TBC1D22A: variants seen among roughly 807,000 people sequenced by gnomAD.
TBC1D22A encodes the protein TBC1 domain family member 22A, also known as putative GTPase activator.
A neutral mutation model predicts 60.2 loss-of-function variants in TBC1D22A; 38 were observed. That is an observed-to-expected ratio of 0.63 (90% CI 0.49 to 0.83). TBC1D22A has a LOEUF of 0.83. Among genes scored for constraint, TBC1D22A ranks in the 40% least tolerant of loss-of-function variants. The pLI is 0.00. For synonymous variants in TBC1D22A, 302 were observed against 281.7 expected, an observed-to-expected ratio of 1.07 and a Z score of -0.72; for missense variants, 628 against 701.0, an observed-to-expected ratio of 0.90 and a Z score of 1.18.
At chr22:46,842,766 G>A (rs1301343743) in intron 4 of TBC1D22A, among the ~76,000 whole-genome samples, 2 of 152,272 alleles carry the variant, frequency 1.3e-5, no homozygotes, top group Non-Finnish European at 1.5e-5. Flanking sequence ...CCAGCGGGCA[G>A]CTTCGGGAGA....
intron 5 of TBC1D22A, among the ~76,000 whole-genome samples, chr22:46,880,475 G>A (rs977040930): frequency 6.6e-6 from 1 of 152,168 alleles, no homozygotes; most frequent in Non-Finnish European, 1.5e-5. Flanking sequence ...CATTCTCAGA[G>A]CGTTGACTTA....
intron 10 of TBC1D22A, among the ~76,000 whole-genome samples, chr22:47,003,996 A>G (rs935112174): frequency 4.8e-5 from 7 of 144,954 alleles, no homozygotes; most frequent in Non-Finnish European, 9.0e-5. Flanking sequence ...ATGCCTGTAT[A>G]CACACACCCT....
At chr22:47,068,884 T>G (rs2063865475) in intron 11 of TBC1D22A, among the ~76,000 whole-genome samples, 1 of 152,166 alleles carries the variant, frequency 6.6e-6, no homozygotes, top group South Asian at 2.1e-4. Flanking sequence ...GGAAAAATAA[T>G]TAAAATGATA....
intron 7 of TBC1D22A, among the ~76,000 whole-genome samples, chr22:46,904,134 TCTATCTATCTAC>T (rs1215002035): frequency 6.0e-4 from 40 of 66,578 alleles, no homozygotes; most frequent in African/African-American, 1.4e-3. Context: ...TATCTATCTA[TCTATCTATCTAC>T]CTACCTACCT....
At chr22:47,006,685 C>T (rs954145856) in intron 10 of TBC1D22A, among the ~76,000 whole-genome samples, 1 of 152,318 alleles carries the variant, frequency 6.6e-6, no homozygotes, top group Admixed American at 6.5e-5. Flanking sequence ...GTGGCGGTTG[C>T]ACCCCAGACC....
At chr22:46,935,802 C>G (rs1369058388) in intron 8 of TBC1D22A, among the ~76,000 whole-genome samples, 1 of 152,060 alleles carries the variant, frequency 6.6e-6, no homozygotes, top group Non-Finnish European at 1.5e-5. Flanking sequence ...GAACCCATGT[C>G]TCTGTAGCCT....
intron 4 of TBC1D22A, among the ~76,000 whole-genome samples, chr22:46,828,903 C>T (rs1335564615): frequency 1.3e-5 from 2 of 152,184 alleles, no homozygotes; most frequent in Non-Finnish European, 2.9e-5. Flanking sequence ...CCTCATGGGT[C>T]TTATTTCATA....
rs374390996 is a variant in TBC1D22A at position 47,160,176 on chromosome 22, G to A, written c.1426-13322G>A. On this transcript the variant is annotated intron_variant, in intron 12 of 12. Transcript: ENST00000337137. ...TCACACAGCCTGGGTTGTGCTTCCCGTGCAGACACTCAGTGCTGGGAATCA... is the reference window on the plus strand; with the variant it reads ...TCACACAGCCTGGGTTGTGCTTCCCATGCAGACACTCAGTGCTGGGAATCA... 9.2e-5 allele frequency among the ~76,000 whole-genome samples: 14 copies of A among 152,342 alleles called. No individual in the cohort carries two copies. In the East Asian group the frequency reaches 1.5e-3, roughly 17 times the overall value.
intron 1 of TBC1D22A, among the ~76,000 whole-genome samples, chr22:46,778,237 G>A (rs1267332007): frequency 1.3e-5 from 2 of 150,858 alleles, no homozygotes; most frequent in East Asian, 3.9e-4. Flanking sequence ...CTACATTTAG[G>A]CTCTACTAGA....
At chr22:47,096,642 C>T (rs562960104) in intron 11 of TBC1D22A, among the ~76,000 whole-genome samples, 3 of 152,026 alleles carry the variant, frequency 2.0e-5, no homozygotes, top group African/African-American at 4.8e-5. Context: ...GCCAACATGG[C>T]AAAACCCCAT....
chr22:46,929,296 C>T (rs1177396255), intron 8 of TBC1D22A, among the ~76,000 whole-genome samples: 2 of 152,148 alleles, frequency 1.3e-5, no homozygotes, highest in Admixed American at 6.5e-5. Flanking sequence ...TTAGAAGAGG[C>T]GTCACTGAAT....
intron 8 of TBC1D22A, among the ~76,000 whole-genome samples, chr22:46,957,786 C>T (rs1055370426): frequency 5.3e-5 from 8 of 152,202 alleles, no homozygotes; most frequent in African/African-American, 1.4e-4. Flanking sequence ...TGTGAGGAAG[C>T]GGATCACACC....
intron 4 of TBC1D22A, among the ~76,000 whole-genome samples, chr22:46,864,477 G>T (rs893551033): frequency 6.6e-6 from 1 of 152,202 alleles, no homozygotes; most frequent in Non-Finnish European, 1.5e-5. Context: ...TCTGCCAAAG[G>T]CTGGAGAGGA....
At chr22:47,015,469 C>T (rs74434754) in intron 10 of TBC1D22A, among the ~76,000 whole-genome samples, 4,579 of 152,346 alleles carry the variant, frequency 0.03, 107 homozygotes, top group Admixed American at 0.045. Flanking sequence ...CTTCTAATTT[C>T]GAGGAAACCT....
At chr22:46,862,651 G>A (rs1162118844) in intron 4 of TBC1D22A, among the ~76,000 whole-genome samples, 3 of 152,192 alleles carry the variant, frequency 2.0e-5, no homozygotes, top group Admixed American at 6.5e-5. Context: ...CAAGCTGAGG[G>A]TCTGCAGGGG....
chr22:47,026,235 A>T (rs1355162904), intron 10 of TBC1D22A, among the ~76,000 whole-genome samples: 2 of 152,234 alleles, frequency 1.3e-5, no homozygotes, highest in African/African-American at 4.8e-5. Context: ...TTGAAGCTGG[A>T]TAAAGAGCAT....
At chr22:46,989,147 TAA>T (rs1394150401) in intron 9 of TBC1D22A, among the ~76,000 whole-genome samples, 1 of 152,218 alleles carries the variant, frequency 6.6e-6, no homozygotes, top group Non-Finnish European at 1.5e-5. Flanking sequence ...TTCATAGAAT[TAA>T]AGAGAATTAG....
chr22:46,836,700 A>G (rs1036286572), intron 4 of TBC1D22A, among the ~76,000 whole-genome samples: 1 of 152,166 alleles, frequency 6.6e-6, no homozygotes, highest in Non-Finnish European at 1.5e-5. Context: ...GAATAGATTA[A>G]AAAAACAAGA....
chr22:47,076,010 T>C (rs1346101830), intron 11 of TBC1D22A, among the ~76,000 whole-genome samples: 2 of 152,132 alleles, frequency 1.3e-5, no homozygotes, highest in Non-Finnish European at 2.9e-5. Context: ...TCTGAACGTA[T>C]ATGCACCTAA....
Sources: gnomAD v4.1 joint callset for allele counts (sites outside exome capture counted in the v4.1 genomes callset) on GRCh38, gnomAD v4.1.1 for gene constraint, MANE v1.5 for transcripts, NCBI Gene and HGNC (gene_info 2026-07-23, HGNC 2026-07-21) for gene names.